The following ACVR2B variants were observed in gnomAD, a reference collection of about 807,000 sequenced individuals.
ACVR2B encodes the protein activin A receptor type 2B, also known as activin receptor type-2B.
In ACVR2B, 18 loss-of-function variants were observed where a neutral mutation model predicts 65.1. That is an observed-to-expected ratio of 0.28 (90% CI 0.19 to 0.41). ACVR2B has a LOEUF of 0.41. Among genes scored for constraint, ACVR2B ranks in the 10% least tolerant of loss-of-function variants. The pLI is 1.00. For missense variants in ACVR2B, 482 were observed against 682.7 expected (o/e 0.71, Z 3.28); for synonymous variants, 298 against 277.7 (o/e 1.07, Z -0.73).
In ACVR2B at chr3:38,477,804, C is replaced by CT. The variant is rs563799087; in HGVS notation, c.261-56dup. On this transcript the variant is annotated intron_variant, in intron 2 of 10. Coordinates refer to ENST00000352511, the MANE Select transcript of ACVR2B (RefSeq NM_001106.4). The surrounding 1 kb of genome is among the most constrained non-coding windows in gnomAD (Gnocchi z 6.7). ...GTGAGGAGGGGTTGGCAGGGCAGGC[C>CT]TGGGGGAGTCTTGCATCCCCCAGGT... 9.1e-4 allele frequency: 1,416 copies of CT among 1,561,874 alleles called. 2 individuals are homozygous for CT. The highest frequency in any genetic ancestry group is 1.2e-3 in the Non-Finnish European group (1,359 of 1,132,596).
chr3:38,492,618 A>C lies in ACVR2B; in HGVS notation c.*9286A>C, dbSNP rs965431790. The C allele has an allele frequency of 7.3e-6, 1 of 136,692 alleles. No homozygotes were observed. The highest frequency in any genetic ancestry group is 1.6e-5 in the Non-Finnish European group (1 of 63,904). The allele number at this position is 136,692 out of a possible 1,614,324, so 8.5% of individuals were successfully genotyped here. On this transcript the variant is annotated 3_prime_UTR_variant, in exon 11 of 11. Transcript: ENST00000352511. ...AATAGCTTGTACTACTGAATTAACA[A>C]AAGTTATACTAAAGTATCATGTTTA... is the stretch of plus-strand genomic sequence containing the variant.
At chr3:38,456,244 T>A (rs1193815125) in intron 1 of ACVR2B, among the ~76,000 whole-genome samples, 4 of 152,312 alleles carry the variant, frequency 2.6e-5, no homozygotes, top group South Asian at 4.1e-4. Context: ...AACCAGTCCC[T>A]GACCTGTGGA....
Position 38,484,535 on chromosome 3 carries a change from C to T in ACVR2B, c.*1203C>T, listed in dbSNP as rs1358926021. The T allele has an allele frequency of 1.3e-5, 2 of 152,212 alleles. No individual in the cohort carries two copies. Among genetic ancestry groups the T allele is most frequent in the African/African-American group, 4.8e-5 (2 of 41,444 alleles). 9.4% of individuals were successfully genotyped at this position (152,212 alleles called of 1,614,324 possible). ...CGTGGACAAGACTTTCTCCAGACCC[C>T]TTAAAGTGGTACATATTCTAAAAAA... is the stretch of plus-strand genomic sequence containing the variant. On this transcript the variant is annotated 3_prime_UTR_variant, in exon 11 of 11. Transcript: ENST00000352511.
Position 38,454,233 on chromosome 3 carries a change from G to A in ACVR2B, c.-90G>A. On this transcript the variant is annotated 5_prime_UTR_variant, in exon 1 of 11. Coordinates refer to ENST00000352511, the MANE Select transcript of ACVR2B (RefSeq NM_001106.4). ...ACCGAAGGAAGGAGCGGGAAGGAGA[G>A]CGCAGCCGCCGCCTGGCCCTGCGCG... The A allele has an allele frequency of 1.0e-6, 1 of 979,194 alleles. No individual in the cohort carries two copies. Among genetic ancestry groups the A allele is most frequent in the Middle Eastern group, 4.1e-4 (1 of 2,448 alleles). The allele number at this position is 979,194 out of a possible 1,614,324, so 60.7% of individuals were successfully genotyped here.
At chr3:38,455,168 C>G (rs1709525619) in intron 1 of ACVR2B, among the ~76,000 whole-genome samples, 1 of 152,102 alleles carries the variant, frequency 6.6e-6, no homozygotes, top group Non-Finnish European at 1.5e-5. Flanking sequence ...TATGTGGGCG[C>G]GGGCGTAAAC....
intron 1 of ACVR2B, among the ~76,000 whole-genome samples, chr3:38,456,141 C>T (rs1271477601): frequency 6.6e-6 from 1 of 152,244 alleles, no homozygotes; most frequent in African/African-American, 2.4e-5. Flanking sequence ...GCAGTGTACC[C>T]TGCCAGGGGG....
chr3:38,464,195 T>G (rs1017017699), intron 1 of ACVR2B, among the ~76,000 whole-genome samples: 5 of 152,260 alleles, frequency 3.3e-5, no homozygotes, highest in Non-Finnish European at 5.9e-5. Context: ...GAAAGTGAAT[T>G]CTGTTTTCCT....
At chr3:38,482,403 T>A (rs1427430613) in intron 9 of ACVR2B, 27 bp from the exon 10 acceptor site, 1 of 1,610,880 alleles carries the variant, frequency 6.2e-7, no homozygotes, top group Admixed American at 1.7e-5. Context: ...CTTAGAGTGA[T>A]CCTGCCAGGC....
chr3:38,488,916 A>G lies in ACVR2B; in HGVS notation c.*5584A>G, dbSNP rs904389828. The G allele has an allele frequency of 2.6e-5, 4 of 152,208 alleles. No homozygotes were observed. Among genetic ancestry groups the G allele is most frequent in the African/African-American group, 9.7e-5 (4 of 41,434 alleles). 9.4% of individuals were successfully genotyped at this position (152,208 alleles called of 1,614,324 possible). ...AAACCAACCACAGGGCACTAAAGCA[A>G]TGTACACACCACTCTTTGTGTGTAT... On this transcript the variant is annotated 3_prime_UTR_variant, in exon 11 of 11. Transcript: ENST00000352511.
intron 1 of ACVR2B, among the ~76,000 whole-genome samples, chr3:38,460,521 C>T (rs766326979): frequency 1.1e-4 from 16 of 152,224 alleles, no homozygotes; most frequent in Non-Finnish European, 1.6e-4. Flanking sequence ...AATGGCTTCC[C>T]GCCTTCGGAC....
At chr3:38,467,181 C>T (rs1431187595) in intron 1 of ACVR2B, among the ~76,000 whole-genome samples, 1 of 152,196 alleles carries the variant, frequency 6.6e-6, no homozygotes, top group African/African-American at 2.4e-5. Flanking sequence ...GGTGCGGTGG[C>T]TCACGCCTGT....
Position 38,477,483 on chromosome 3 carries a change from C to T in ACVR2B, c.249C>T (p.Asn83=), listed in dbSNP as rs777807223. 1.2e-6 allele frequency: 2 copies of T among 1,614,008 alleles called. No individual in the cohort carries two copies. ...AGGGCTGCTGGCTAGATGACTTCAA[C>T]TGCTACGATAGGTACCCCAAGACTT... ...VKKGCWLDDF[N]CYDRQECVAT... is the part of the protein sequence containing the mutation. The change falls in exon 2 of 11, where the codon AAC becomes AAT. Residue 83 remains asparagine (N), a synonymous_variant. Coordinates refer to ENST00000352511, the MANE Select transcript of ACVR2B (RefSeq NM_001106.4). This position sits in a 1 kb window ranked among gnomAD's most constrained non-coding sequence, Gnocchi z 6.7.
chr3:38,484,900 G>A lies in ACVR2B; in HGVS notation c.*1568G>A, dbSNP rs991665523. 4.6e-5 allele frequency: 7 copies of A among 152,584 alleles called. No individual in the cohort carries two copies. Among genetic ancestry groups the A allele is most frequent in the African/African-American group, 7.2e-5 (3 of 41,446 alleles). The allele number at this position is 152,584 out of a possible 1,614,324, so 9.5% of individuals were successfully genotyped here. A position where few individuals can be genotyped will look rare whatever the true frequency, so the allele number is the denominator to read the frequency against. Reference sequence around the variant, plus strand: ...GCTTTTGTGACAAGGAAGTTTAAAAGAAATAGAGAAAAAGAAAAAAGTTTG... The same window carrying A: ...GCTTTTGTGACAAGGAAGTTTAAAAAAAATAGAGAAAAAGAAAAAAGTTTG... On this transcript the variant is annotated 3_prime_UTR_variant, in exon 11 of 11. Coordinates refer to ENST00000352511, the MANE Select transcript of ACVR2B (RefSeq NM_001106.4).
chr3:38,469,065 T>G (rs1332039571), intron 1 of ACVR2B, among the ~76,000 whole-genome samples: 2 of 152,180 alleles, frequency 1.3e-5, no homozygotes, highest in African/African-American at 4.8e-5. Context: ...AGGCGGGACT[T>G]CTGAAGGCAG....
chr3:38,462,714 A>G (rs1455236986), intron 1 of ACVR2B, among the ~76,000 whole-genome samples: 2 of 152,172 alleles, frequency 1.3e-5, no homozygotes, highest in South Asian at 2.1e-4. Flanking sequence ...TATAGACTAC[A>G]TTTTACCTAG....
At chr3:38,458,640 G>A (rs1388405339) in intron 1 of ACVR2B, among the ~76,000 whole-genome samples, 1 of 152,082 alleles carries the variant, frequency 6.6e-6, no homozygotes. Flanking sequence ...CCTCTGCTTG[G>A]GAGCTCAGGG....
chr3:38,480,355 C>A (rs978869214), intron 7 of ACVR2B, among the ~76,000 whole-genome samples: 1 of 152,144 alleles, frequency 6.6e-6, no homozygotes, highest in Non-Finnish European at 1.5e-5. Flanking sequence ...CTCGAACCAC[C>A]CTTTAAGAAA....
At chr3:38,459,599 G>A (rs1213244861) in intron 1 of ACVR2B, 45 of 985,350 alleles carry the variant, frequency 4.6e-5, no homozygotes, top group Non-Finnish European at 5.2e-5. Flanking sequence ...GAGTGGACCT[G>A]CCATGTGGCG....
intron 6 of ACVR2B, 72 bp from the exon 7 acceptor site, chr3:38,479,606 T>C: frequency 6.3e-7 from 1 of 1,575,464 alleles, no homozygotes; most frequent in South Asian, 1.1e-5. Context: ...CTGAGACTTC[T>C]CTGCCAGGGC....
Sources: gnomAD v4.1 joint callset for allele counts (sites outside exome capture counted in the v4.1 genomes callset) on GRCh38, gnomAD v4.1.1 for gene constraint, Gnocchi (gnomAD v3.1) non-coding constraint, MANE v1.5 for transcripts, NCBI Gene and HGNC (gene_info 2026-07-23, HGNC 2026-07-21) for gene names.